DAO: variants seen among roughly 807,000 people sequenced by gnomAD.
DAO encodes the protein D-amino-acid oxidase.
In DAO, 51 loss-of-function variants were observed where a neutral mutation model predicts 50.1. The ratio of observed to expected loss-of-function variants is 1.02; its 90% CI spans 0.81 to 1.29. The LOEUF (loss-of-function observed/expected upper bound fraction) is 1.29. Ranked by LOEUF, DAO falls within the 50% of genes most tolerant of loss-of-function variation. DAO has a pLI of 0.00. For synonymous variants in DAO, 160 were observed against 166.2 expected, an observed-to-expected ratio of 0.96 and a Z score of 0.29; for missense variants, 436 against 439.4, an observed-to-expected ratio of 0.99 and a Z score of 0.07.
intron 8 of DAO, among the ~76,000 whole-genome samples, chr12:108,897,306 T>G (rs1781408825): frequency 6.6e-6 from 1 of 152,154 alleles, no homozygotes; most frequent in African/African-American, 2.4e-5. Flanking sequence ...AACCTCTGCC[T>G]CCCAGGTTCA....
intron 7 of DAO, among the ~76,000 whole-genome samples, chr12:108,896,626 TC>T (rs1237503764): frequency 1.3e-5 from 2 of 151,830 alleles, no homozygotes; most frequent in East Asian, 3.9e-4. Flanking sequence ...GGACCTCCCT[TC>T]CCCCCGCAGC....
chr12:108,883,247 A>G (rs2039400144), intron 1 of DAO, among the ~76,000 whole-genome samples: 1 of 152,134 alleles, frequency 6.6e-6, no homozygotes, highest in Admixed American at 6.5e-5. Flanking sequence ...CCCAGGTTCA[A>G]GCGATTCTCC....
chr12:108,885,663 TA>T (rs2039429162), intron 2 of DAO, among the ~76,000 whole-genome samples: 1 of 152,164 alleles, frequency 6.6e-6, no homozygotes, highest in African/African-American at 2.4e-5. Context: ...TGCCAGATAC[TA>T]GGAGGCTTTG....
intron 6 of DAO, 112 bp downstream of exon 6, chr12:108,893,148 T>G: frequency 1.1e-6 from 1 of 912,102 alleles, no homozygotes; most frequent in Non-Finnish European, 1.8e-6. Flanking sequence ...CCCACAGGCC[T>G]GCCTCAGACC....
rs1555244587 is a variant in DAO at position 108,880,180 on chromosome 12, C to T, written c.-54C>T. ...CCCTCAGGAAATAGCATCCTGTGTCCCCGCACTGCAGTTGTCTGGTCTCTC... is the reference window on the plus strand; with the variant it reads ...CCCTCAGGAAATAGCATCCTGTGTCTCCGCACTGCAGTTGTCTGGTCTCTC... On this transcript the variant is annotated 5_prime_UTR_variant, in exon 1 of 11. Transcript: ENST00000228476. 2 of 455,424 alleles carry T rather than the reference C, an allele frequency of 4.4e-6. No homozygotes were observed. The highest frequency in any genetic ancestry group is 8.8e-6 in the Non-Finnish European group (2 of 226,376). 28.2% of individuals were successfully genotyped at this position (455,424 alleles called of 1,614,324 possible).
At chr12:108,900,276 C>G in intron 10 of DAO, 128 bp from the exon 11 acceptor site, 1 of 1,214,696 alleles carries the variant, frequency 8.2e-7, no homozygotes, top group Non-Finnish European at 1.2e-6. Context: ...CCAAGAGAAG[C>G]TCAGGTGGCA....
chr12:108,892,298 G>T (rs1217273388), intron 5 of DAO, among the ~76,000 whole-genome samples: 2 of 151,508 alleles, frequency 1.3e-5, no homozygotes, highest in Admixed American at 1.3e-4. Context: ...GAGTAGCTTG[G>T]AATACAGGCG....
intron 8 of DAO, among the ~76,000 whole-genome samples, chr12:108,898,127 T>C (rs1021554278): frequency 6.6e-6 from 1 of 151,954 alleles, no homozygotes; most frequent in South Asian, 2.1e-4. Context: ...TAATATTGTA[T>C]TGATGGGGAA....
chr12:108,893,180 T>A (rs538160679), intron 6 of DAO, 144 bp downstream of exon 6: 1 of 729,328 alleles, frequency 1.4e-6, no homozygotes, highest in East Asian at 2.7e-5. Context: ...AGCACTCAGG[T>A]ATTCTGAAGG....
At chr12:108,894,791 A>G (rs1418122845) in intron 7 of DAO, among the ~76,000 whole-genome samples, 2 of 152,116 alleles carry the variant, frequency 1.3e-5, no homozygotes, top group Non-Finnish European at 2.9e-5. Context: ...TATCTTGATC[A>G]TGGCTCACTG....
At chr12:108,891,149 G>A (rs937838539) in intron 5 of DAO, among the ~76,000 whole-genome samples, 5 of 151,988 alleles carry the variant, frequency 3.3e-5, no homozygotes, top group Non-Finnish European at 5.9e-5. Flanking sequence ...ATATATTACT[G>A]TTTTTTAAAG....
intron 6 of DAO, 52 bp from the exon 7 acceptor site, chr12:108,894,211 A>G: frequency 7.3e-7 from 1 of 1,363,680 alleles, no homozygotes; most frequent in Non-Finnish European, 1.0e-6. Flanking sequence ...AACAGGGAAT[A>G]CCAGGGTCTT....
chr12:108,887,556 G>A lies in DAO; in HGVS notation c.301G>A (p.Ala101Thr), dbSNP rs760577275. 1.9e-6 allele frequency: 3 copies of A among 1,612,336 alleles called. No individual in the cohort carries two copies. The highest frequency in any genetic ancestry group is 1.7e-4 in the Middle Eastern group (1 of 6,058). ...LISGYNLFHE[A>T]IPDPSWKDTV... ...CTCGGGCTACAACCTCTTCCATGAAGCCATTCCGGTGGGTGAACAGTTCTT... is the reference window on the plus strand; with the variant it reads ...CTCGGGCTACAACCTCTTCCATGAAACCATTCCGGTGGGTGAACAGTTCTT... Residue 101 changes from alanine to threonine, a missense_variant, in exon 3 of 11, where the codon GCC becomes ACC. Physicochemically the swap from Ala to Thr is moderately conservative, Grantham distance 58 (BLOSUM62 0). Transcript: ENST00000228476.
chr12:108,899,271 A>G (rs2039596239), intron 9 of DAO, 106 bp from the exon 10 acceptor site: 3 of 746,970 alleles, frequency 4.0e-6, no homozygotes, highest in Non-Finnish European at 2.4e-6. Flanking sequence ...CTGTGATTAT[A>G]TTAGTGGTGG....
intron 1 of DAO, 69 bp downstream of exon 1, chr12:108,880,293 T>G (rs761104829): frequency 1.3e-5 from 5 of 370,560 alleles, no homozygotes; most frequent in Non-Finnish European, 2.7e-5. Flanking sequence ...GGATTTCATG[T>G]CCTCCCAATG....
intron 3 of DAO, 25 bp downstream of exon 3, chr12:108,887,589 A>G (rs755549546): frequency 2.0e-5 from 31 of 1,536,556 alleles, no homozygotes; most frequent in Non-Finnish European, 2.5e-5. Flanking sequence ...CTTGACCATG[A>G]GGGATGAGCA....
In DAO at chr12:108,899,389, A is replaced by T; in HGVS notation, c.826A>T (p.Ile276Phe). ...LEPTLKNARIIGERTGFRPVR... is the reference protein window; with the variant it reads ...LEPTLKNARIFGERTGFRPVR... ...CTTTTCTTTCCAGAATGCAAGAATT[A>T]TTGGTGAACGAACTGGCTTCCGGCC... Residue 276 changes from isoleucine to phenylalanine, a missense_variant, in exon 10 of 11, where the codon ATT (isoleucine) becomes TTT (phenylalanine). Transcript: ENST00000228476. 6.2e-7 allele frequency: 1 copy of T among 1,613,546 alleles called. No individual in the cohort carries two copies. Among genetic ancestry groups the T allele is most frequent in the Non-Finnish European group, 8.5e-7 (1 of 1,179,758 alleles).
At position 108,896,734 on chromosome 12, in the gene DAO, G is replaced by A. The variant is rs576989332; in HGVS notation, c.613-272G>A. On this transcript the variant is annotated intron_variant, in intron 7 of 10. Transcript: ENST00000228476. Reference sequence around the variant, plus strand: ...TTAGAATTTTATTTTTATTTCTCATGTGTATGCATTTACATGTGTGTACTG... The same window carrying A: ...TTAGAATTTTATTTTTATTTCTCATATGTATGCATTTACATGTGTGTACTG... 1.9e-3 allele frequency among the ~76,000 whole-genome samples: 296 copies of A among 152,290 alleles called. 2 individuals are homozygous for A. The highest frequency in any genetic ancestry group is 4.8e-3 in the South Asian group (23 of 4,832).
intron 8 of DAO, 76 bp downstream of exon 8, chr12:108,897,164 C>T (rs2039569271): frequency 1.0e-6 from 1 of 972,378 alleles, no homozygotes; most frequent in Middle Eastern, 2.1e-4. Flanking sequence ...CTCCCCCAAG[C>T]TCCTTACTCC....
Sources: allele counts gnomAD v4.1 joint callset (sites outside exome capture counted in the v4.1 genomes callset), GRCh38; gene constraint gnomAD v4.1.1; transcripts MANE v1.5; gene names NCBI Gene and HGNC (gene_info 2026-07-23, HGNC 2026-07-21).